ATM: variants seen among roughly 807,000 people sequenced by gnomAD.
ATM encodes ATM serine/threonine kinase.
A neutral mutation model predicts 387.0 loss-of-function variants in ATM; 308 were observed. The ratio of observed to expected loss-of-function variants is 0.80; its 90% CI spans 0.73 to 0.87. The LOEUF is 0.87. Ranked by LOEUF, ATM falls within the 40% of genes least tolerant of loss-of-function variation. The pLI, the probability that ATM is intolerant of heterozygous loss-of-function variation, is 0.00. For missense variants in ATM, 3,312 were observed against 3,560.9 expected (o/e 0.93, Z 1.78); for synonymous variants, 1,156 against 1,187.3 (o/e 0.97, Z 0.54).
chr11:108,268,271 T>C (rs2081370685), intron 17 of ATM, 139 bp from the exon 18 acceptor site: 2 of 691,110 alleles, frequency 2.9e-6, no homozygotes, highest in Middle Eastern at 8.2e-4. Context: ...CTTTTGAAGC[T>C]TTCAGTATAT....
intron 13 of ATM, among the ~76,000 whole-genome samples, chr11:108,255,643 C>T (rs961414602): frequency 6.6e-6 from 1 of 152,072 alleles, no homozygotes; most frequent in Non-Finnish European, 1.5e-5. Context: ...CCAGGTTGGT[C>T]TCGAACTCCT....
chr11:108,224,383 C>A (rs2078637045), intron 1 of ATM: 1 of 152,150 alleles, frequency 6.6e-6, no homozygotes, highest in Admixed American at 6.5e-5. Flanking sequence ...TGGTTGAGAT[C>A]TAAAAAGGAA....
intron 61 of ATM, among the ~76,000 whole-genome samples, chr11:108,357,319 T>C (rs1014372068): frequency 2.6e-5 from 4 of 152,128 alleles, no homozygotes; most frequent in African/African-American, 9.7e-5. Context: ...CGCTGATTGC[T>C]AGCACAGCAG....
intron 16 of ATM, among the ~76,000 whole-genome samples, chr11:108,265,269 T>A (rs1358014071): frequency 6.6e-6 from 1 of 151,962 alleles, no homozygotes; most frequent in Non-Finnish European, 1.5e-5. Context: ...AGCATGGTAC[T>A]GGTACCAAAA....
chr11:108,249,595 G>A (rs4987940), intron 9 of ATM, among the ~76,000 whole-genome samples: 1,956 of 152,122 alleles, frequency 0.013, 53 homozygotes, highest in African/African-American at 0.044. Flanking sequence ...ATAAATTATG[G>A]ATACTTTGGA....
intron 45 of ATM, 94 bp downstream of exon 45, chr11:108,321,514 G>A: frequency 6.4e-7 from 1 of 1,564,018 alleles, no homozygotes; most frequent in Non-Finnish European, 8.7e-7. Flanking sequence ...CGGGCACGGT[G>A]GCTCATGCCT....
intron 44 of ATM, 118 bp from the exon 45 acceptor site, chr11:108,321,183 G>A: frequency 1.5e-6 from 2 of 1,332,476 alleles, no homozygotes; most frequent in East Asian, 2.4e-5. Flanking sequence ...TTGCTTGTTA[G>A]TATTATTAGA....
At chr11:108,290,105 A>C in intron 29 of ATM, 1 of 262,958 alleles carries the variant, frequency 3.8e-6, no homozygotes, top group South Asian at 6.4e-5. Context: ...GCGAACTGTC[A>C]GCCTCAGCCT....
At position 108,253,946 on chromosome 11, in the gene ATM, T is replaced by C. The variant is rs1591534580; in HGVS notation, c.2031T>C (p.Ser677=). The change falls in exon 13 of 63, where the codon AGT becomes AGC. Residue 677 remains serine, a synonymous_variant. Transcript: ENST00000675843. ...GTGGTATAGAAAAGCACCAGTCCAG[T>C]ATTGGCTTCTCTGTCCACCAGAATC... ...RECGIEKHQS[S]IGFSVHQNLK... is the part of the protein sequence containing the mutation. 1 of 1,614,112 alleles carries C rather than the reference T, an allele frequency of 6.2e-7. No homozygotes were observed. Among genetic ancestry groups the C allele is most frequent in the Non-Finnish European group, 8.5e-7 (1 of 1,179,982 alleles).
At chr11:108,258,144 T>G (rs1035259365) in intron 15 of ATM, among the ~76,000 whole-genome samples, 6 of 152,206 alleles carry the variant, frequency 3.9e-5, no homozygotes, top group African/African-American at 1.2e-4. Context: ...GCTCAAGTGA[T>G]GCTTACATCT....
intron 18 of ATM, among the ~76,000 whole-genome samples, chr11:108,269,374 A>G (rs2081447336): frequency 6.6e-6 from 1 of 152,138 alleles, no homozygotes; most frequent in African/African-American, 2.4e-5. Context: ...TTTGACGAGA[A>G]TGTTGCAAAA....
At chr11:108,330,164 T>C (rs2086103329) in intron 49 of ATM, 50 bp from the exon 50 acceptor site, 1 of 1,571,340 alleles carries the variant, frequency 6.4e-7, no homozygotes, top group African/African-American at 1.4e-5. Context: ...ATTTTGTAGT[T>C]CTGTTAAAGT....
intron 61 of ATM, among the ~76,000 whole-genome samples, chr11:108,363,721 A>C (rs1334864296): frequency 6.6e-6 from 1 of 152,176 alleles, no homozygotes; most frequent in Admixed American, 6.5e-5. Context: ...TACTGTTTCC[A>C]ACCACTTCTG....
At chr11:108,256,377 T>C (rs2080489979) in intron 14 of ATM, 37 bp downstream of exon 14, 1 of 1,582,674 alleles carries the variant, frequency 6.3e-7, no homozygotes, top group South Asian at 1.1e-5. Flanking sequence ...TCGGATAAAT[T>C]TGAATGAAAT....
At chr11:108,260,748 A>G (rs2080817204) in intron 16 of ATM, among the ~76,000 whole-genome samples, 2 of 152,114 alleles carry the variant, frequency 1.3e-5, no homozygotes, top group Non-Finnish European at 2.9e-5. Flanking sequence ...CTCACTAGGG[A>G]GTGCCAGACA....
At chr11:108,267,752 G>T (rs1364774778) in intron 17 of ATM, among the ~76,000 whole-genome samples, 2 of 152,174 alleles carry the variant, frequency 1.3e-5, no homozygotes, top group African/African-American at 4.8e-5. Flanking sequence ...AGCTACTCGG[G>T]AGGCTGAAGC....
At chr11:108,290,048 G>C (rs1388577873) in intron 29 of ATM, 5 of 401,948 alleles carry the variant, frequency 1.2e-5, no homozygotes, top group Non-Finnish European at 2.3e-5. Context: ...TTGTAGAGGT[G>C]GGGTTTCACC....
chr11:108,362,838 T>G (rs1280869983), intron 61 of ATM, among the ~76,000 whole-genome samples: 3 of 148,492 alleles, frequency 2.0e-5, no homozygotes, highest in African/African-American at 7.4e-5. Flanking sequence ...TTGGGAGATA[T>G]ACCTAATGCT....
At position 108,356,540 on chromosome 11, in the gene ATM, T is replaced by TAA. The variant is rs374615780; in HGVS notation, c.8850+1685_8850+1686dup. On this transcript the variant is annotated intron_variant, in intron 61 of 62. Transcript: ENST00000675843. ...GACAAGAGCAAGACTCTGTCTGTCT[T>TAA]AAAAAAAAAAAAAAAAAAAAGCCCA... is the stretch of plus-strand genomic sequence containing the variant. Among the ~76,000 whole-genome samples, 467 of 97,744 alleles carry TAA rather than the reference T, an allele frequency of 4.8e-3. 2 individuals are homozygous for TAA. Among genetic ancestry groups the TAA allele is most frequent in the African/African-American group, 0.011 (313 of 27,424 alleles). 64.1% of individuals were successfully genotyped at this position (97,744 alleles called of 152,430 possible).
Sources: gnomAD v4.1 joint callset for allele counts (sites outside exome capture counted in the v4.1 genomes callset) on GRCh38, gnomAD v4.1.1 for gene constraint, MANE v1.5 for transcripts, NCBI Gene and HGNC (gene_info 2026-07-23, HGNC 2026-07-21) for gene names.